Variants in ADAMTS12 observed in about 807,000 individuals in gnomAD.
The protein encoded by ADAMTS12 is ADAM metallopeptidase with thrombospondin type 1 motif 12.
Under a neutral mutation model 167.8 loss-of-function variants are expected in ADAMTS12, and 118 were observed. That is an observed-to-expected ratio of 0.70 (90% CI 0.61 to 0.82). The LOEUF is 0.82. Among genes scored for constraint, ADAMTS12 ranks in the 40% least tolerant of loss-of-function variants. The pLI, the probability that ADAMTS12 is intolerant of heterozygous loss-of-function variation, is 0.00. For missense variants in ADAMTS12, 1,916 were observed against 1,998.8 expected (o/e 0.96, Z 0.79); for synonymous variants, 704 against 716.9 (o/e 0.98, Z 0.29).
At chr5:33,785,381 T>C (rs1037730789) in intron 2 of ADAMTS12, among the ~76,000 whole-genome samples, 6 of 152,078 alleles carry the variant, frequency 3.9e-5, no homozygotes, top group African/African-American at 1.4e-4. Flanking sequence ...TGAAAAGATA[T>C]AATGCAGACA....
intron 21 of ADAMTS12, among the ~76,000 whole-genome samples, chr5:33,548,072 G>C (rs1403408290): frequency 2.0e-5 from 3 of 152,188 alleles, no homozygotes; most frequent in Non-Finnish European, 2.9e-5. Context: ...CCGGTGGGTG[G>C]TAAGTAACTC....
chr5:33,649,371 C>G (rs1014522281), intron 8 of ADAMTS12, among the ~76,000 whole-genome samples, 183 bp downstream of exon 8: 5 of 152,170 alleles, frequency 3.3e-5, no homozygotes, highest in Non-Finnish European at 7.3e-5. Flanking sequence ...GAGGGCAGAG[C>G]CCATCTAGAC....
chr5:33,820,410 T>G (rs1374895733), intron 2 of ADAMTS12, among the ~76,000 whole-genome samples: 1 of 152,218 alleles, frequency 6.6e-6, no homozygotes, highest in African/African-American at 2.4e-5. Flanking sequence ...TTTCCTATCC[T>G]GGACCTCTTA....
intron 19 of ADAMTS12, among the ~76,000 whole-genome samples, chr5:33,572,685 G>C (rs960142564): frequency 6.9e-6 from 1 of 144,932 alleles, no homozygotes; most frequent in Non-Finnish European, 1.5e-5. Context: ...TTGAAAACTG[G>C]CACAAGACAG....
At chr5:33,703,783 T>C (rs529559496) in intron 3 of ADAMTS12, among the ~76,000 whole-genome samples, 1 of 152,300 alleles carries the variant, frequency 6.6e-6, no homozygotes, top group South Asian at 2.1e-4. Context: ...ACAGGAGGTA[T>C]TGGTTTGGGC....
intron 7 of ADAMTS12, among the ~76,000 whole-genome samples, chr5:33,655,952 T>A (rs1741046977): frequency 6.6e-6 from 1 of 152,102 alleles, no homozygotes; most frequent in African/African-American, 2.4e-5. Flanking sequence ...ATAATGGCTT[T>A]CTGAATAAAC....
chr5:33,711,392 T>A (rs1426824195), intron 3 of ADAMTS12, among the ~76,000 whole-genome samples: 1 of 152,160 alleles, frequency 6.6e-6, no homozygotes, highest in Admixed American at 6.5e-5. Flanking sequence ...TTTCAATTAT[T>A]ATTTTGAAAC....
chr5:33,648,617 T>C (rs556564487), intron 9 of ADAMTS12, among the ~76,000 whole-genome samples: 1 of 152,330 alleles, frequency 6.6e-6, no homozygotes, highest in South Asian at 2.1e-4. Context: ...CAATGGAATA[T>C]AGGCTTCGTA....
chr5:33,659,968 G>T (rs1741196854), intron 6 of ADAMTS12, among the ~76,000 whole-genome samples: 1 of 152,190 alleles, frequency 6.6e-6, no homozygotes, highest in East Asian at 1.9e-4. Flanking sequence ...GACAGTTTCA[G>T]CTGTCAGAGC....
intron 12 of ADAMTS12, among the ~76,000 whole-genome samples, chr5:33,631,675 A>G (rs1345252988): frequency 6.6e-6 from 1 of 152,234 alleles, no homozygotes. Flanking sequence ...GATAGATAAC[A>G]TTTAAATCAC....
intron 2 of ADAMTS12, among the ~76,000 whole-genome samples, chr5:33,851,804 C>T (rs1434359418): frequency 6.6e-6 from 1 of 152,224 alleles, no homozygotes; most frequent in Admixed American, 6.5e-5. Context: ...TTATTCTGCA[C>T]CATACGTTCA....
rs1037762144 is a variant in ADAMTS12, at chr5:33,877,143, G to C, written c.489+3976C>G. ...AGAATTTGATTTCCCAGCAGGGGCT[G>C]GAATTAGAGTTTTTGATAGAGTCAA... On this transcript the variant is annotated intron_variant, in intron 2 of 23. Transcript: ENST00000504830. Among the ~76,000 whole-genome samples, 4 of 152,244 alleles carry C rather than the reference G, an allele frequency of 2.6e-5. No homozygotes were observed. In the East Asian group the frequency reaches 7.7e-4, roughly 29 times the overall value.
At chr5:33,636,221 T>G (rs4380665) in intron 12 of ADAMTS12, among the ~76,000 whole-genome samples, 82,173 of 152,066 alleles carry the variant, frequency 0.54, 23,391 homozygotes, top group Non-Finnish European at 0.62. Context: ...ACATGTGATA[T>G]CACTGGAGCA....
intron 20 of ADAMTS12, among the ~76,000 whole-genome samples, chr5:33,558,990 C>T (rs1170142997): frequency 1.3e-5 from 2 of 151,978 alleles, no homozygotes; most frequent in East Asian, 3.9e-4. Flanking sequence ...CTTCCAAAGA[C>T]CAGAGCCTTG....
chr5:33,654,210 A>C (rs956566623), intron 7 of ADAMTS12, among the ~76,000 whole-genome samples: 1 of 151,994 alleles, frequency 6.6e-6, no homozygotes, highest in Non-Finnish European at 1.5e-5. Flanking sequence ...ATTTGTTTAA[A>C]GGTTGTTGAT....
intron 2 of ADAMTS12, among the ~76,000 whole-genome samples, chr5:33,846,174 C>T (rs1028635622): frequency 6.6e-6 from 1 of 152,194 alleles, no homozygotes; most frequent in Non-Finnish European, 1.5e-5. Context: ...GGTCTATAAT[C>T]TTCGAAAGTG....
At chr5:33,627,764 T>C (rs1164628294) in intron 13 of ADAMTS12, among the ~76,000 whole-genome samples, 1 of 152,162 alleles carries the variant, frequency 6.6e-6, no homozygotes, top group African/African-American at 2.4e-5. Context: ...AACGTAGATC[T>C]AGCTCTGAGC....
chr5:33,600,468 A>G (rs1738134180), intron 16 of ADAMTS12, among the ~76,000 whole-genome samples: 1 of 152,248 alleles, frequency 6.6e-6, no homozygotes, highest in African/African-American at 2.4e-5. Flanking sequence ...ATGGTTAATT[A>G]AATTTGATTC....
intron 16 of ADAMTS12, among the ~76,000 whole-genome samples, chr5:33,605,935 G>A (rs1738416363): frequency 6.9e-6 from 1 of 143,974 alleles, no homozygotes; most frequent in Non-Finnish European, 1.5e-5. Context: ...GAACAGTCTG[G>A]TTCCAGAGGC....
Sources: gnomAD v4.1 joint callset for allele counts (sites outside exome capture counted in the v4.1 genomes callset) on GRCh38, gnomAD v4.1.1 for gene constraint, MANE v1.5 for transcripts, NCBI Gene and HGNC (gene_info 2026-07-23, HGNC 2026-07-21) for gene names.